The following LRRFIP1 variants were observed in gnomAD, a reference collection of about 807,000 sequenced individuals.
LRRFIP1 encodes leucine-rich repeat flightless-interacting protein 1.
A neutral mutation model predicts 104.4 loss-of-function variants in LRRFIP1; 62 were observed. That is an observed-to-expected ratio of 0.59 (90% CI 0.48 to 0.73). LRRFIP1 has a LOEUF of 0.73. Ranked by LOEUF, LRRFIP1 falls within the 30% of genes least tolerant of loss-of-function variation. The pLI, the probability that LRRFIP1 is intolerant of heterozygous loss-of-function variation, is 0.00. For missense variants in LRRFIP1, 796 were observed against 824.5 expected (o/e 0.97, Z 0.42); for synonymous variants, 300 against 299.0 (o/e 1.00, Z -0.03).
In LRRFIP1 at chr2:237,723,572, G is replaced by C. The variant is rs779565259; in HGVS notation, c.370G>C (p.Gly124Arg). Residue 124 changes from glycine to arginine, a missense_variant, in exon 7 of 24, where the codon GGT becomes CGT. Physicochemically the swap from Gly to Arg is moderately radical, Grantham distance 125. Coordinates refer to ENST00000308482, the MANE Select transcript of LRRFIP1 (RefSeq NM_001137550.2). ...LRSQPDLEYG[G>R]PYAWTNGYDG... ...GTCGCAGCCTGACTTGGAGTATGGG[G>C]GTCCTTACGCCTGGGTGAGATGGTC... 3 of 1,613,874 alleles carry C rather than the reference G, an allele frequency of 1.9e-6. No individual in the cohort carries two copies. The highest frequency in any genetic ancestry group is 2.5e-6 in the Non-Finnish European group (3 of 1,179,840).
chr2:237,673,922 G>GTGT lies in LRRFIP1; in HGVS notation c.97-34622_97-34621insTGT, dbSNP rs10686491. On this transcript the variant is annotated intron_variant, in intron 1 of 23. Transcript: ENST00000308482. Reference sequence around the variant, plus strand: ...CTGACACTAAGGCTCTGTGCAGAGCGCGTCTACAAACACTGTCTATTGTCT... The same window carrying GTGT: ...CTGACACTAAGGCTCTGTGCAGAGCGTGTCGTCTACAAACACTGTCTATTGTCT... 2.0e-4 allele frequency among the ~76,000 whole-genome samples: 31 copies of GTGT among 151,778 alleles called. No homozygotes were observed. In the East Asian group the frequency reaches 5.4e-3, roughly 27 times the overall value.
intron 21 of LRRFIP1, chr2:237,772,567 G>T (rs1244033460): frequency 4.1e-6 from 2 of 493,454 alleles, no homozygotes; most frequent in Non-Finnish European, 3.6e-6. Flanking sequence ...ATAAAATTAT[G>T]CCCAGTCTCT....
At chr2:237,704,054 C>CTCCCCAA (rs1426990282) in intron 1 of LRRFIP1, among the ~76,000 whole-genome samples, 1 of 152,050 alleles carries the variant, frequency 6.6e-6, no homozygotes, top group Non-Finnish European at 1.5e-5. Context: ...AGTCAGCGCT[C>CTCCCCAA]TCCCCAATGT....
chr2:237,775,380 G>A (rs1002606081), intron 23 of LRRFIP1, among the ~76,000 whole-genome samples: 1 of 152,200 alleles, frequency 6.6e-6, no homozygotes, highest in Non-Finnish European at 1.5e-5. Flanking sequence ...GGCCAAGTGA[G>A]CAGGGGGTGA....
chr2:237,699,299 GCAAT>G (rs1049616131), intron 1 of LRRFIP1, among the ~76,000 whole-genome samples: 6 of 151,164 alleles, frequency 4.0e-5, no homozygotes, highest in African/African-American at 1.5e-4. Context: ...TATGTAAGTT[GCAAT>G]CAGTTTGTAA....
At chr2:237,775,171 G>A (rs950420589) in intron 23 of LRRFIP1, among the ~76,000 whole-genome samples, 1 of 152,204 alleles carries the variant, frequency 6.6e-6, no homozygotes, top group Non-Finnish European at 1.5e-5. Context: ...GCTGGGGTGC[G>A]GAATGGCCCA....
At position 237,751,276 on chromosome 2, in the gene LRRFIP1, CA is replaced by C; in HGVS notation, c.867+7del. 1 of 1,600,346 alleles carries C rather than the reference CA, an allele frequency of 6.2e-7. No homozygotes were observed. The highest frequency in any genetic ancestry group is 1.7e-4 in the Middle Eastern group (1 of 6,046). On this transcript the variant is annotated splice_donor_region_variant and intron_variant, in intron 14 of 23. Coordinates refer to ENST00000308482, the MANE Select transcript of LRRFIP1 (RefSeq NM_001137550.2). Reference sequence around the variant, plus strand: ...CAGGGATTGAAAGAGATGAAGGTACCAATTCACAGACGTGTGGTCTCACGAT... The same window carrying C: ...CAGGGATTGAAAGAGATGAAGGTACCATTCACAGACGTGTGGTCTCACGAT...
In LRRFIP1 at chr2:237,779,928, A is replaced by C. The variant is rs2061390189; in HGVS notation, c.*396A>C. The C allele has an allele frequency of 6.2e-6, 1 of 162,144 alleles. No individual in the cohort carries two copies. Among genetic ancestry groups the C allele is most frequent in the Non-Finnish European group, 1.3e-5 (1 of 74,214 alleles). The allele number at this position is 162,144 out of a possible 1,614,324, so 10.0% of individuals were successfully genotyped here. A position where few individuals can be genotyped will look rare whatever the true frequency, so the allele number is the denominator to read the frequency against. ...TTGCTGAAGATTAAGGGGAAATGTT[A>C]CAGTGTTGGGACTTCCTTTCATGGC... On this transcript the variant is annotated 3_prime_UTR_variant, in exon 24 of 24. Transcript: ENST00000308482.
At chr2:237,648,133 G>T (rs150250531) in intron 1 of LRRFIP1, among the ~76,000 whole-genome samples, 1 of 151,862 alleles carries the variant, frequency 6.6e-6, no homozygotes, top group East Asian at 1.9e-4. Flanking sequence ...CACTCCACTC[G>T]CGTGTTTCCA....
intron 1 of LRRFIP1, among the ~76,000 whole-genome samples, chr2:237,668,147 T>C (rs1173798815): frequency 1.3e-5 from 2 of 151,980 alleles, no homozygotes; most frequent in African/African-American, 4.8e-5. Context: ...CCGAGCTTGT[T>C]CCCCTCCCCT....
intron 1 of LRRFIP1, among the ~76,000 whole-genome samples, chr2:237,636,194 C>A (rs573849724): frequency 6.6e-6 from 1 of 151,730 alleles, no homozygotes; most frequent in South Asian, 2.1e-4. Flanking sequence ...ACTTATTGAG[C>A]ATTCATTGGG....
chr2:237,682,091 G>C (rs1188374331), intron 1 of LRRFIP1, among the ~76,000 whole-genome samples: 1 of 152,184 alleles, frequency 6.6e-6, no homozygotes, highest in Non-Finnish European at 1.5e-5. Flanking sequence ...CAAAAGCACT[G>C]ATGAAGTTTT....
chr2:237,717,691 C>A lies in LRRFIP1; in HGVS notation c.202-71C>A, dbSNP rs1231239610. The A allele has an allele frequency of 1.7e-6, 2 of 1,151,524 alleles. No individual in the cohort carries two copies. Among genetic ancestry groups the A allele is most frequent in the Non-Finnish European group, 2.6e-6 (2 of 757,952 alleles). 71.3% of individuals were successfully genotyped at this position (1,151,524 alleles called of 1,614,324 possible). ...GGCGGTTTGGAAATGCATGTCAGAA[C>A]AGTGCCTTAGACAACTGCCTTTTTA... On this transcript the variant is annotated intron_variant, in intron 3 of 23. Transcript: ENST00000308482. This position sits in a 1 kb window ranked among gnomAD's most constrained non-coding sequence, Gnocchi z 4.2.
intron 11 of LRRFIP1, 134 bp from the exon 12 acceptor site, chr2:237,748,230 C>G (rs1250141287): frequency 1.4e-6 from 1 of 725,290 alleles, no homozygotes; most frequent in Non-Finnish European, 2.4e-6. Flanking sequence ...TTTGGAGTGT[C>G]CCATTTTTCT....
chr2:237,754,884 T>A (rs1023151858), intron 15 of LRRFIP1, among the ~76,000 whole-genome samples: 8 of 152,142 alleles, frequency 5.3e-5, no homozygotes, highest in Admixed American at 5.2e-4. Context: ...CTCCCGAGTC[T>A]CACTCCAGAG....
chr2:237,703,764 A>G lies in LRRFIP1; in HGVS notation c.97-4780A>G, dbSNP rs3754724. On this transcript the variant is annotated intron_variant, in intron 1 of 23. Transcript: ENST00000308482. This position sits in a 1 kb window ranked among gnomAD's most constrained non-coding sequence, Gnocchi z 4.3. ...TCCCTGGAGACTGGGCACCCAAACC[A>G]CATTTCAGAAATCCCTCCCACTGTC... Among the ~76,000 whole-genome samples, 50,816 of 151,518 alleles carry G rather than the reference A, an allele frequency of 0.34. 10,449 individuals carry two copies. The highest frequency in any genetic ancestry group is 0.59 in the African/African-American group (24,105 of 41,182).
intron 1 of LRRFIP1, among the ~76,000 whole-genome samples, chr2:237,676,677 AT>A (rs1261618536): frequency 1.3e-5 from 2 of 152,034 alleles, no homozygotes; most frequent in African/African-American, 4.8e-5. Flanking sequence ...TAATTTTTGT[AT>A]TTTTAGTAGA....
At chr2:237,760,466 G>A (rs1216287182) in intron 19 of LRRFIP1, among the ~76,000 whole-genome samples, 3 of 152,236 alleles carry the variant, frequency 2.0e-5, no homozygotes, top group Non-Finnish European at 4.4e-5. Flanking sequence ...AAGCAAGACT[G>A]TGAAGGCAAA....
intron 1 of LRRFIP1, among the ~76,000 whole-genome samples, chr2:237,636,305 G>C (rs1411968258): frequency 6.9e-6 from 1 of 143,926 alleles, no homozygotes; most frequent in Non-Finnish European, 1.5e-5. Flanking sequence ...AGTAATTTCT[G>C]TAAGACAGAA....
Sources: allele counts gnomAD v4.1 joint callset (sites outside exome capture counted in the v4.1 genomes callset), GRCh38; gene constraint gnomAD v4.1.1; non-coding constraint Gnocchi (gnomAD v3.1); transcripts MANE v1.5; gene names NCBI Gene and HGNC (gene_info 2026-07-23, HGNC 2026-07-21).